PLEKHF2: variants seen among roughly 807,000 people sequenced by gnomAD.
PLEKHF2 encodes the protein pleckstrin homology domain-containing family F member 2.
In PLEKHF2, 4 loss-of-function variants were observed where a neutral mutation model predicts 14.7. The ratio of observed to expected loss-of-function variants is 0.27; its 90% CI spans 0.13 to 0.62. The LOEUF (loss-of-function observed/expected upper bound fraction) is 0.62. Ranked by LOEUF, PLEKHF2 falls within the 20% of genes least tolerant of loss-of-function variation. The pLI is 0.85. For missense variants in PLEKHF2, 201 were observed against 307.7 expected (o/e 0.65, Z 2.60); for synonymous variants, 90 against 103.5 (o/e 0.87, Z 0.79).
chr8:95,139,216 A>G (rs1049679924), intron 1 of PLEKHF2, among the ~76,000 whole-genome samples: 2 of 152,052 alleles, frequency 1.3e-5, no homozygotes, highest in African/African-American at 4.8e-5. Context: ...GCATATTACA[A>G]ATGTTGGCCG....
chr8:95,136,563 A>G (rs898206355), intron 1 of PLEKHF2, among the ~76,000 whole-genome samples: 1 of 152,212 alleles, frequency 6.6e-6, no homozygotes, highest in Admixed American at 6.5e-5. Context: ...GATTGAATGT[A>G]TTTGAACTTG....
chr8:95,147,188 G>A (rs925939363), intron 1 of PLEKHF2, among the ~76,000 whole-genome samples: 1 of 151,828 alleles, frequency 6.6e-6, no homozygotes, highest in African/African-American at 2.4e-5. Flanking sequence ...TTTATTTATT[G>A]TAATTAAAAA....
At chr8:95,149,336 A>G (rs1039395214) in intron 1 of PLEKHF2, among the ~76,000 whole-genome samples, 1 of 152,026 alleles carries the variant, frequency 6.6e-6, no homozygotes, top group South Asian at 2.1e-4. Flanking sequence ...CAACCGGCTT[A>G]TTTCCTTCAT....
intron 1 of PLEKHF2, among the ~76,000 whole-genome samples, chr8:95,153,208 G>A (rs1481035029): frequency 6.6e-6 from 1 of 152,116 alleles, no homozygotes; most frequent in Admixed American, 6.6e-5. Flanking sequence ...TCACAGGAAG[G>A]GTTTTAGTCT....
At chr8:95,140,711 C>A (rs1221407998) in intron 1 of PLEKHF2, among the ~76,000 whole-genome samples, 1 of 152,208 alleles carries the variant, frequency 6.6e-6, no homozygotes, top group African/African-American at 2.4e-5. Context: ...CTGGTCCTTA[C>A]AAGACCTGTT....
At chr8:95,149,579 G>T (rs573971543) in intron 1 of PLEKHF2, among the ~76,000 whole-genome samples, 1 of 152,292 alleles carries the variant, frequency 6.6e-6, no homozygotes, top group African/African-American at 2.4e-5. Flanking sequence ...TGTAGGACAA[G>T]ATGAAATGGA....
At chr8:95,141,353 A>G (rs75617104) in intron 1 of PLEKHF2, among the ~76,000 whole-genome samples, 12,230 of 151,970 alleles carry the variant, frequency 0.08, 669 homozygotes, top group African/African-American at 0.14. Context: ...CTTCCTTCTC[A>G]ATTTATCTTT....
chr8:95,138,754 TTG>T (rs760010573), intron 1 of PLEKHF2, among the ~76,000 whole-genome samples: 8 of 152,212 alleles, frequency 5.3e-5, no homozygotes, highest in Non-Finnish European at 1.2e-4. Flanking sequence ...ACATTAAATA[TTG>T]TGTTTTCTAA....
intron 1 of PLEKHF2, among the ~76,000 whole-genome samples, chr8:95,146,063 C>A (rs2132108442): frequency 6.6e-6 from 1 of 152,138 alleles, no homozygotes; most frequent in Admixed American, 6.5e-5. Flanking sequence ...ATTTTAAAAT[C>A]TTGATTGAGA....
Position 95,155,061 on chromosome 8 carries a change from G to A in PLEKHF2, c.*267G>A, listed in dbSNP as rs144194148. 159 of 414,880 alleles carry A rather than the reference G, an allele frequency of 3.8e-4. No individual in the cohort carries two copies. Among genetic ancestry groups the A allele is most frequent in the African/African-American group, 2.9e-3 (143 of 50,152 alleles). The allele number at this position is 414,880 out of a possible 1,614,324, so 25.7% of individuals were successfully genotyped here. A position where few individuals can be genotyped will look rare whatever the true frequency, so the allele number is the denominator to read the frequency against. On this transcript the variant is annotated 3_prime_UTR_variant, in exon 2 of 2. Coordinates refer to ENST00000315367, the MANE Select transcript of PLEKHF2 (RefSeq NM_024613.4). Reference sequence around the variant, plus strand: ...TATTTTTAGGTTATTTTCTTGGAAGGTTGGGAAAAGATGTTTGTTTTAACA... The same window carrying A: ...TATTTTTAGGTTATTTTCTTGGAAGATTGGGAAAAGATGTTTGTTTTAACA...
rs754315144 is a variant in PLEKHF2, at chr8:95,154,055, G to A, written c.11G>A (p.Arg4His). MVD[R>H]LANSEANTRR... The stretch of plus-strand genomic sequence containing the variant: ...GGCTATTAGTGAAAGATGGTGGATC[G>A]CTTGGCAAACAGTGAAGCAAATACT... The change falls in exon 2 of 2, where the codon CGC becomes CAC. Residue 4 changes from arginine (R) to histidine (H), a missense_variant. Physicochemically the swap from Arg to His is conservative, Grantham distance 29 (BLOSUM62 0). Transcript: ENST00000315367. The surrounding 1 kb of genome is among the most constrained non-coding windows in gnomAD (Gnocchi z 5.6). 8 of 1,572,538 alleles carry A rather than the reference G, an allele frequency of 5.1e-6. No individual in the cohort carries two copies. The highest frequency in any genetic ancestry group is 1.7e-4 in the Middle Eastern group (1 of 5,890).
chr8:95,156,075 T>G lies in PLEKHF2; in HGVS notation c.*1281T>G, dbSNP rs747296589. 6.0e-6 allele frequency: 1 copy of G among 167,072 alleles called. No homozygotes were observed. The highest frequency in any genetic ancestry group is 6.5e-5 in the Admixed American group (1 of 15,276). 10.3% of individuals were successfully genotyped at this position (167,072 alleles called of 1,614,324 possible). On this transcript the variant is annotated 3_prime_UTR_variant, in exon 2 of 2. Transcript: ENST00000315367. ...TTTATTTTGAGAAGTAATTGTTCAC[T>G]CTTTACTTTTGAGGCAGCCATTAGG...
chr8:95,135,788 T>C (rs1810368375), intron 1 of PLEKHF2, among the ~76,000 whole-genome samples: 1 of 152,246 alleles, frequency 6.6e-6, no homozygotes, highest in African/African-American at 2.4e-5. Context: ...TCATTTTTCC[T>C]GTAGCATAAC....
chr8:95,142,423 T>G (rs1246519510), intron 1 of PLEKHF2, among the ~76,000 whole-genome samples: 1 of 152,060 alleles, frequency 6.6e-6, no homozygotes, highest in Non-Finnish European at 1.5e-5. Context: ...CCTGGCTAAT[T>G]TATGTAATTT....
At chr8:95,142,417 G>A (rs1324801818) in intron 1 of PLEKHF2, among the ~76,000 whole-genome samples, 1 of 152,024 alleles carries the variant, frequency 6.6e-6, no homozygotes, top group Non-Finnish European at 1.5e-5. Flanking sequence ...GCCACACCTG[G>A]CTAATTTATG....
intron 1 of PLEKHF2, among the ~76,000 whole-genome samples, chr8:95,138,969 A>G (rs1436511303): frequency 6.6e-6 from 1 of 152,248 alleles, no homozygotes; most frequent in Non-Finnish European, 1.5e-5. Flanking sequence ...TATTGCCAAA[A>G]TGGCATTTAG....
chr8:95,145,530 T>C (rs1297199401), intron 1 of PLEKHF2, among the ~76,000 whole-genome samples: 1 of 152,020 alleles, frequency 6.6e-6, no homozygotes, highest in East Asian at 1.9e-4. Context: ...TTCAAGCCAT[T>C]CTCCTGCCTC....
At chr8:95,148,522 A>G (rs932813085) in intron 1 of PLEKHF2, among the ~76,000 whole-genome samples, 1 of 152,132 alleles carries the variant, frequency 6.6e-6, no homozygotes, top group African/African-American at 2.4e-5. Flanking sequence ...ATTAAAGCAG[A>G]TAGCCCAGAA....
intron 1 of PLEKHF2, among the ~76,000 whole-genome samples, chr8:95,134,633 T>C (rs1810356332): frequency 6.6e-6 from 1 of 152,210 alleles, no homozygotes; most frequent in Admixed American, 6.5e-5. Flanking sequence ...CTTTGACGAA[T>C]TTATTTTTCT....
Sources: gnomAD v4.1 joint callset for allele counts (sites outside exome capture counted in the v4.1 genomes callset) on GRCh38, gnomAD v4.1.1 for gene constraint, Gnocchi (gnomAD v3.1) non-coding constraint, MANE v1.5 for transcripts, NCBI Gene and HGNC (gene_info 2026-07-23, HGNC 2026-07-21) for gene names.